Variants in MAN1A2 observed in about 807,000 individuals in gnomAD.
MAN1A2 encodes mannosyl-oligosaccharide 1,2-alpha-mannosidase IB.
MAN1A2 carries 26 observed loss-of-function variants against 75.7 expected under a neutral mutation model. The observed-to-expected ratio is 0.34, with a 90% CI of 0.25 to 0.48. The LOEUF (loss-of-function observed/expected upper bound fraction) is 0.48, where lower values mean the gene tolerates loss of function less well. Among genes scored for constraint, MAN1A2 ranks in the 20% least tolerant of loss-of-function variants. The pLI is 0.99. For synonymous variants in MAN1A2, 247 were observed against 264.6 expected (o/e 0.93, Z 0.65); for missense variants, 562 against 775.5 (o/e 0.72, Z 3.27).
At position 117,486,601 on chromosome 1, in the gene MAN1A2, A is replaced by C. The variant is rs1650707223; in HGVS notation, c.1169-6546A>C. Among the ~76,000 whole-genome samples the C allele has an allele frequency of 1.3e-5, 2 of 151,990 alleles. 1 individual carries two copies. The highest frequency in any genetic ancestry group is 4.1e-4 in the South Asian group (2 of 4,830). On this transcript the variant is annotated intron_variant, in intron 8 of 12. Transcript: ENST00000356554. Reference sequence around the variant, plus strand: ...GAGAATGAAAAAAGAGTTCAGATTAAAAGTATGATTGCTGACATTAAAGCT... The same window carrying C: ...GAGAATGAAAAAAGAGTTCAGATTACAAGTATGATTGCTGACATTAAAGCT...
intron 6 of MAN1A2, among the ~76,000 whole-genome samples, chr1:117,445,915 TA>T (rs1193749677): frequency 6.9e-6 from 1 of 145,252 alleles, no homozygotes; most frequent in African/African-American, 2.5e-5. Flanking sequence ...TATGTAAATT[TA>T]TATGTATACA....
intron 1 of MAN1A2, among the ~76,000 whole-genome samples, chr1:117,383,990 G>T (rs1400927692): frequency 6.6e-6 from 1 of 151,970 alleles, no homozygotes; most frequent in Non-Finnish European, 1.5e-5. Flanking sequence ...TTTTATTTGT[G>T]ATTTTAGTTA....
intron 7 of MAN1A2, among the ~76,000 whole-genome samples, chr1:117,462,019 G>C (rs1228412637): frequency 3.3e-5 from 5 of 152,114 alleles, no homozygotes; most frequent in African/African-American, 1.2e-4. Flanking sequence ...AGAATAGATA[G>C]CTCTTAAACA....
chr1:117,523,839 C>T lies in MAN1A2; in HGVS notation c.*882C>T, dbSNP rs945841452. 2.0e-5 allele frequency: 3 copies of T among 151,790 alleles called. No homozygotes were observed. The highest frequency in any genetic ancestry group is 6.6e-5 in the Admixed American group (1 of 15,178). The allele number at this position is 151,790 out of a possible 1,614,324, so 9.4% of individuals were successfully genotyped here. A position where few individuals can be genotyped will look rare whatever the true frequency, so the allele number is the denominator to read the frequency against. On this transcript the variant is annotated 3_prime_UTR_variant, in exon 13 of 13. Transcript: ENST00000356554. ...TTGCTACATTATTTTTCCAGACCAA[C>T]ACATCTACCAAGTAAATTTTATTCA... is the stretch of plus-strand genomic sequence containing the variant.
intron 8 of MAN1A2, among the ~76,000 whole-genome samples, chr1:117,488,161 A>G (rs1362178452): frequency 6.6e-6 from 1 of 151,868 alleles, no homozygotes; most frequent in Non-Finnish European, 1.5e-5. Context: ...GTCCTTTTAG[A>G]TATTTAGATG....
At chr1:117,461,928 C>T (rs952993939) in intron 7 of MAN1A2, among the ~76,000 whole-genome samples, 16 of 152,110 alleles carry the variant, frequency 1.1e-4, no homozygotes, top group African/African-American at 3.9e-4. Flanking sequence ...TGAGGAAAAA[C>T]ACACTGGCTG....
At chr1:117,403,695 G>GT (rs1188141034) in intron 2 of MAN1A2, among the ~76,000 whole-genome samples, 1 of 152,012 alleles carries the variant, frequency 6.6e-6, no homozygotes, top group Non-Finnish European at 1.5e-5. Context: ...TTTCTTATAC[G>GT]TAGTCATGTC....
At chr1:117,505,953 G>A (rs1415385727) in intron 12 of MAN1A2, among the ~76,000 whole-genome samples, 1 of 151,286 alleles carries the variant, frequency 6.6e-6, no homozygotes, top group African/African-American at 2.4e-5. Context: ...TATTTTGTTT[G>A]AAACAGTGAT....
intron 6 of MAN1A2, among the ~76,000 whole-genome samples, chr1:117,454,781 T>C (rs1649527710): frequency 6.6e-6 from 1 of 152,146 alleles, no homozygotes; most frequent in Admixed American, 6.5e-5. Context: ...ATAGTATACA[T>C]AGGAGAAAAA....
At chr1:117,393,271 T>TA (rs1653791420) in intron 1 of MAN1A2, among the ~76,000 whole-genome samples, 1 of 152,222 alleles carries the variant, frequency 6.6e-6, no homozygotes, top group African/African-American at 2.4e-5. Context: ...TTTCCAGGTT[T>TA]AAGGAGATCT....
At chr1:117,458,524 T>TATATA (rs373076182) in intron 6 of MAN1A2, among the ~76,000 whole-genome samples, 15 of 71,682 alleles carry the variant, frequency 2.1e-4, no homozygotes, top group African/African-American at 6.4e-4. Context: ...TATATATATA[T>TATATA]TTTTTTTTTT....
intron 1 of MAN1A2, among the ~76,000 whole-genome samples, chr1:117,401,907 G>GT (rs1457786428): frequency 6.6e-6 from 1 of 151,894 alleles, no homozygotes; most frequent in Non-Finnish European, 1.5e-5. Context: ...ACTGGTGTCT[G>GT]TTTTTTGCAA....
At chr1:117,420,464 A>C in intron 4 of MAN1A2, 105 bp from the exon 5 acceptor site, 2 of 776,876 alleles carry the variant, frequency 2.6e-6, no homozygotes, top group Non-Finnish European at 4.2e-6. Flanking sequence ...AAGTAGAAAA[A>C]TATTTTCCAC....
intron 6 of MAN1A2, among the ~76,000 whole-genome samples, chr1:117,446,841 T>C (rs2101819052): frequency 6.6e-6 from 1 of 152,202 alleles, no homozygotes; most frequent in South Asian, 2.1e-4. Flanking sequence ...TTGGTATAAT[T>C]GTTTTATGCA....
intron 6 of MAN1A2, among the ~76,000 whole-genome samples, chr1:117,454,706 A>C (rs1269491201): frequency 6.6e-6 from 1 of 152,214 alleles, no homozygotes; most frequent in African/African-American, 2.4e-5. Flanking sequence ...ATAAATATAA[A>C]AGGCTTATTT....
chr1:117,421,916 C>T (rs980128173), intron 5 of MAN1A2, among the ~76,000 whole-genome samples: 4 of 151,946 alleles, frequency 2.6e-5, no homozygotes, highest in East Asian at 1.9e-4. Flanking sequence ...GTGGGTTTAG[C>T]GTGGAGACCA....
intron 12 of MAN1A2, chr1:117,515,998 A>C (rs552601386): frequency 6.6e-6 from 1 of 152,206 alleles, no homozygotes; most frequent in East Asian, 1.9e-4. Context: ...ATAAAATGCA[A>C]AGCACTCATA....
chr1:117,434,747 C>CTGTG (rs61681259), intron 5 of MAN1A2, among the ~76,000 whole-genome samples: 1,453 of 135,406 alleles, frequency 0.011, 20 homozygotes, highest in Admixed American at 0.02. Flanking sequence ...TTGGTTACAG[C>CTGTG]TGTGTGTGTG....
intron 5 of MAN1A2, among the ~76,000 whole-genome samples, chr1:117,421,595 G>A (rs189447735): frequency 8.6e-5 from 13 of 150,730 alleles, no homozygotes; most frequent in African/African-American, 3.2e-4. Context: ...TTGTTCCTTT[G>A]TGTGTAAAGA....
Sources: allele counts gnomAD v4.1 joint callset (sites outside exome capture counted in the v4.1 genomes callset), GRCh38; gene constraint gnomAD v4.1.1; transcripts MANE v1.5; gene names NCBI Gene and HGNC (gene_info 2026-07-23, HGNC 2026-07-21).